The following STAT4 variants were observed in gnomAD, a reference collection of about 807,000 sequenced individuals.
STAT4 encodes the protein signal transducer and activator of transcription 4.
Under a neutral mutation model 110.5 loss-of-function variants are expected in STAT4, and 42 were observed. The observed-to-expected ratio is 0.38, with a 90% confidence interval of 0.30 to 0.49. The LOEUF (loss-of-function observed/expected upper bound fraction) is 0.49. Ranked by LOEUF, STAT4 falls within the 20% of genes least tolerant of loss-of-function variation. STAT4 has a pLI of 0.95. For synonymous variants in STAT4, 284 were observed against 302.2 expected (o/e 0.94, Z 0.63); for missense variants, 632 against 887.9 (o/e 0.71, Z 3.66).
Position 191,041,055 on chromosome 2 carries a change from A to C in STAT4, c.1335+10T>G. The C allele has an allele frequency of 7.0e-7, 1 of 1,430,668 alleles. No individual in the cohort carries two copies. Among genetic ancestry groups the C allele is most frequent in the Non-Finnish European group, 9.2e-7 (1 of 1,085,506 alleles). 88.6% of individuals were successfully genotyped at this position (1,430,668 alleles called of 1,614,324 possible). A position where few individuals can be genotyped will look rare whatever the true frequency, so the allele number is the denominator to read the frequency against. On this transcript the variant is annotated intron_variant, in intron 15 of 23. Coordinates refer to ENST00000392320, the MANE Select transcript of STAT4 (RefSeq NM_003151.4). ...CATTAGTAAATAGTGTATGTTCTTG[A>C]AACACCTACCTCCAAATCTATGGTC...
In STAT4 at chr2:191,081,853, C is replaced by A. The variant is rs147635117; in HGVS notation, c.274-5528G>T. ...TTGGCAGTATGATTTTAAGTCTTGC[C>A]AAGGAAAACCACTCCCTCATCCCTA... On this transcript the variant is annotated intron_variant, in intron 3 of 23. Transcript: ENST00000392320. Among the ~76,000 whole-genome samples, 1,189 of 152,170 alleles carry A rather than the reference C, an allele frequency of 7.8e-3. 15 individuals carry two copies. Among genetic ancestry groups the A allele is most frequent in the Middle Eastern group, 0.037 (11 of 294 alleles).
In STAT4 at chr2:191,121,027, C is replaced by T. The variant is rs537879204; in HGVS notation, c.273+25586G>A. Among the ~76,000 whole-genome samples the T allele has an allele frequency of 1.1e-3, 172 of 152,270 alleles. 2 individuals are homozygous for T. Among genetic ancestry groups the T allele is most frequent in the African/African-American group, 3.9e-3 (162 of 41,536 alleles). On this transcript the variant is annotated intron_variant, in intron 3 of 23. Coordinates refer to ENST00000392320, the MANE Select transcript of STAT4 (RefSeq NM_003151.4). ...AAATTTTTGCAATCTACTCATCTGA[C>T]AAAGGGCTAATATCCAGAATCTACA...
chr2:191,066,320 T>C lies in STAT4; in HGVS notation c.630+110A>G. ...TCCTAGAAACCTTGCCGTTTCTTCA[T>C]TCAGTAAATGGAACTGATAAAATCT... On this transcript the variant is annotated intron_variant, in intron 7 of 23. Transcript: ENST00000392320. The surrounding 1 kb of genome is among the most constrained non-coding windows in gnomAD (Gnocchi z 4.3). The C allele has an allele frequency of 1.0e-6, 1 of 961,856 alleles. No homozygotes were observed. Among genetic ancestry groups the C allele is most frequent in the Non-Finnish European group, 1.6e-6 (1 of 632,208 alleles). The allele number at this position is 961,856 out of a possible 1,614,324, so 59.6% of individuals were successfully genotyped here. A position where few individuals can be genotyped will look rare whatever the true frequency, so the allele number is the denominator to read the frequency against.
chr2:191,070,436 G>A (rs746382208), intron 5 of STAT4, among the ~76,000 whole-genome samples: 1 of 152,070 alleles, frequency 6.6e-6, no homozygotes, highest in Non-Finnish European at 1.5e-5. Flanking sequence ...AGAAGCAGAG[G>A]CCACGAGATG....
chr2:191,054,426 T>C, intron 14 of STAT4, 64 bp downstream of exon 14: 1 of 1,362,736 alleles, frequency 7.3e-7, no homozygotes, highest in Non-Finnish European at 1.0e-6. Flanking sequence ...TTAAAAGCTT[T>C]GTAAAAATAA....
chr2:191,123,203 A>G (rs1003107753), intron 3 of STAT4, among the ~76,000 whole-genome samples: 1 of 152,160 alleles, frequency 6.6e-6, no homozygotes, highest in Non-Finnish European at 1.5e-5. Context: ...GTTTTGTTTG[A>G]GGAACTTCAA....
intron 3 of STAT4, among the ~76,000 whole-genome samples, chr2:191,127,778 C>T (rs1439169023): frequency 1.3e-5 from 2 of 152,176 alleles, no homozygotes; most frequent in Non-Finnish European, 2.9e-5. Flanking sequence ...AAAGAAGCCC[C>T]ATACTCTGGC....
At chr2:191,132,990 G>T (rs1267442801) in intron 3 of STAT4, among the ~76,000 whole-genome samples, 1 of 151,362 alleles carries the variant, frequency 6.6e-6, no homozygotes. Context: ...TCCTGACCTC[G>T]TGATCTGCCC....
intron 3 of STAT4, among the ~76,000 whole-genome samples, chr2:191,102,040 T>A (rs1698161938): frequency 6.7e-6 from 1 of 150,132 alleles, no homozygotes; most frequent in South Asian, 2.1e-4. Context: ...CTCTAATACC[T>A]CATTTTAGGT....
chr2:191,100,553 A>T (rs547186449), intron 3 of STAT4, among the ~76,000 whole-genome samples: 2 of 152,226 alleles, frequency 1.3e-5, no homozygotes, highest in South Asian at 2.1e-4. Flanking sequence ...CCTACAGGTG[A>T]GATTTGTTCC....
chr2:191,064,391 A>C (rs1010987150), intron 8 of STAT4, among the ~76,000 whole-genome samples: 2 of 152,230 alleles, frequency 1.3e-5, no homozygotes, highest in South Asian at 4.1e-4. Flanking sequence ...TGTCTAACTG[A>C]AATTTTCTAT....
At chr2:191,145,561 G>A (rs937347254) in intron 3 of STAT4, among the ~76,000 whole-genome samples, 1 of 152,124 alleles carries the variant, frequency 6.6e-6, no homozygotes, top group African/African-American at 2.4e-5. Flanking sequence ...ATATGCTATT[G>A]TCCTGTTTTT....
chr2:191,095,354 T>C (rs532465142), intron 3 of STAT4, among the ~76,000 whole-genome samples: 2 of 152,266 alleles, frequency 1.3e-5, no homozygotes, highest in South Asian at 2.1e-4. Flanking sequence ...ATTGACCACA[T>C]AGTTGGAAGT....
intron 3 of STAT4, among the ~76,000 whole-genome samples, chr2:191,079,016 C>T (rs11889341): frequency 0.21 from 32,161 of 151,872 alleles, 3,737 homozygotes; most frequent in East Asian, 0.35. Context: ...ACATCTTATT[C>T]TTTTACCACT....
Position 191,039,362 on chromosome 2 carries a change from GA to G in STAT4, c.1336-66del. On this transcript the variant is annotated intron_variant, in intron 15 of 23. Transcript: ENST00000392320. The surrounding 1 kb of genome is among the most constrained non-coding windows in gnomAD (Gnocchi z 4.7). ...CCCACCTTACATTGATCTTATGCTT[GA>G]CCCTCGCCTCTAAAGGGCCAATCTC... 1 of 1,440,268 alleles carries G rather than the reference GA, an allele frequency of 6.9e-7. No homozygotes were observed. The allele number at this position is 1,440,268 out of a possible 1,614,324, so 89.2% of individuals were successfully genotyped here. A position where few individuals can be genotyped will look rare whatever the true frequency, so the allele number is the denominator to read the frequency against.
intron 3 of STAT4, among the ~76,000 whole-genome samples, chr2:191,101,787 G>T (rs1698156238): frequency 6.6e-6 from 1 of 151,824 alleles, no homozygotes; most frequent in South Asian, 2.1e-4. Flanking sequence ...TCACTTTATA[G>T]TATTACAATA....
rs1273211419 is a variant in STAT4 at position 191,135,143 on chromosome 2, C to G, written c.273+11470G>C. Among the ~76,000 whole-genome samples the G allele has an allele frequency of 6.6e-6, 1 of 151,846 alleles. No homozygotes were observed. The highest frequency in any genetic ancestry group is 1.5e-5 in the Non-Finnish European group (1 of 67,942). The stretch of plus-strand genomic sequence containing the variant: ...ACTAGTTGTTTTGAAAAGATAAAAT[C>G]AATAAACAACTTGCTAGACTAACCA... On this transcript the variant is annotated intron_variant, in intron 3 of 23. Coordinates refer to ENST00000392320, the MANE Select transcript of STAT4 (RefSeq NM_003151.4). This position sits in a 1 kb window ranked among gnomAD's most constrained non-coding sequence, Gnocchi z 4.8.
intron 14 of STAT4, among the ~76,000 whole-genome samples, chr2:191,046,000 G>C (rs183290638): frequency 6.6e-6 from 1 of 152,308 alleles, no homozygotes; most frequent in African/African-American, 2.4e-5. Context: ...TAGGCACCAA[G>C]AAGGTGTATT....
rs1463523638 is a variant in STAT4, at chr2:191,135,653, A to G, written c.273+10960T>C. On this transcript the variant is annotated intron_variant, in intron 3 of 23. Coordinates refer to ENST00000392320, the MANE Select transcript of STAT4 (RefSeq NM_003151.4). The surrounding 1 kb of genome is among the most constrained non-coding windows in gnomAD (Gnocchi z 4.8). ...AGCTAATTTTTTGTATTTTTAGTAGAGACAGGGTTTCACCATGTTGGCTGC... is the reference window on the plus strand; with the variant it reads ...AGCTAATTTTTTGTATTTTTAGTAGGGACAGGGTTTCACCATGTTGGCTGC... Among the ~76,000 whole-genome samples the G allele has an allele frequency of 2.6e-5, 4 of 152,112 alleles. No homozygotes were observed. The highest frequency in any genetic ancestry group is 7.2e-5 in the African/African-American group (3 of 41,420).
Sources: allele counts gnomAD v4.1 joint callset (sites outside exome capture counted in the v4.1 genomes callset), GRCh38; gene constraint gnomAD v4.1.1; non-coding constraint Gnocchi (gnomAD v3.1); transcripts MANE v1.5; gene names NCBI Gene and HGNC (gene_info 2026-07-23, HGNC 2026-07-21).